The following GLIPR2 variants were observed in gnomAD, a reference collection of about 807,000 sequenced individuals.
GLIPR2 encodes GLI pathogenesis related 2.
In GLIPR2, 21 loss-of-function variants were observed where a neutral mutation model predicts 20.4. The observed-to-expected ratio is 1.03, with a 90% confidence interval of 0.73 to 1.48. The LOEUF is 1.48. Ranked by LOEUF, GLIPR2 falls within the 40% of genes most tolerant of loss-of-function variation. The pLI is 0.00. For missense variants in GLIPR2, 205 were observed against 200.1 expected (o/e 1.02, Z -0.15); for synonymous variants, 91 against 80.5 (o/e 1.13, Z -0.70).
At chr9:36,162,252 T>A in intron 4 of GLIPR2, 110 bp from the exon 5 acceptor site, 1 of 1,601,162 alleles carries the variant, frequency 6.2e-7, no homozygotes, top group Non-Finnish European at 8.5e-7. Flanking sequence ...AAGACCATGC[T>A]GACCTGAGCC....
chr9:36,140,118 T>A (rs11791833), intron 1 of GLIPR2, among the ~76,000 whole-genome samples: 1 of 152,042 alleles, frequency 6.6e-6, no homozygotes, highest in Non-Finnish European at 1.5e-5. Flanking sequence ...CTGACTCCCC[T>A]ACTGTGTCCT....
At chr9:36,154,554 A>G (rs543844595) in intron 4 of GLIPR2, among the ~76,000 whole-genome samples, 1 of 152,276 alleles carries the variant, frequency 6.6e-6, no homozygotes, top group Admixed American at 6.5e-5. Context: ...TGTGTTTTTC[A>G]AAGATATATT....
At chr9:36,152,143 TTCC>T (rs1343052300) in intron 4 of GLIPR2, among the ~76,000 whole-genome samples, 1 of 152,192 alleles carries the variant, frequency 6.6e-6, no homozygotes, top group Non-Finnish European at 1.5e-5. Flanking sequence ...TGCTGAGGCA[TTCC>T]TCCTCTCCAT....
chr9:36,142,056 G>A (rs985387775), intron 1 of GLIPR2, among the ~76,000 whole-genome samples: 1 of 152,108 alleles, frequency 6.6e-6, no homozygotes, highest in Non-Finnish European at 1.5e-5. Context: ...CCTGCACTCT[G>A]CAGTCCCTGA....
chr9:36,160,253 C>G (rs767700990), intron 4 of GLIPR2, among the ~76,000 whole-genome samples: 17 of 152,144 alleles, frequency 1.1e-4, no homozygotes, highest in Non-Finnish European at 2.4e-4. Flanking sequence ...CAACTCCCAA[C>G]CTAAGATGAT....
chr9:36,146,909 T>G (rs897973507), intron 1 of GLIPR2, among the ~76,000 whole-genome samples: 6 of 151,990 alleles, frequency 3.9e-5, no homozygotes, highest in Admixed American at 3.9e-4. Flanking sequence ...AGTTCTGGGG[T>G]CTTGGGGCGG....
intron 4 of GLIPR2, among the ~76,000 whole-genome samples, chr9:36,160,793 G>A (rs537754467): frequency 6.6e-6 from 1 of 152,318 alleles, no homozygotes; most frequent in Admixed American, 6.5e-5. Context: ...TGTAATCTCA[G>A]CAGTTTGGGA....
intron 1 of GLIPR2, among the ~76,000 whole-genome samples, chr9:36,140,584 C>CTATG (rs1326451027): frequency 2.0e-5 from 3 of 152,244 alleles, no homozygotes; most frequent in South Asian, 4.1e-4. Flanking sequence ...CAACCACTGT[C>CTATG]TATGGAGAGG....
chr9:36,143,008 G>A (rs1211410144), intron 1 of GLIPR2, among the ~76,000 whole-genome samples: 3 of 152,134 alleles, frequency 2.0e-5, no homozygotes, highest in African/African-American at 7.2e-5. Context: ...TGGCGTTGGC[G>A]GACACAGTGC....
chr9:36,138,825 C>G (rs1824942969), intron 1 of GLIPR2, among the ~76,000 whole-genome samples: 1 of 152,192 alleles, frequency 6.6e-6, no homozygotes, highest in African/African-American at 2.4e-5. Context: ...GGTGAGGAGA[C>G]TGCTCCGCGT....
chr9:36,147,896 T>A lies in GLIPR2; in HGVS notation c.122+2T>A. The stretch of plus-strand genomic sequence containing the variant: ...GAACCTCAACCGGGAGGCTCAACAG[T>A]GAGTCCCCTAGCACATCCGGGTAAC... On this transcript the variant is annotated splice_donor_variant, in intron 2 of 4. Transcript: ENST00000377960. LOFTEE classifies it high-confidence loss of function. 7.3e-7 allele frequency: 1 copy of A among 1,364,730 alleles called. No homozygotes were observed. Among genetic ancestry groups the A allele is most frequent in the Non-Finnish European group, 1.0e-6 (1 of 952,778 alleles). The allele number at this position is 1,364,730 out of a possible 1,614,324, so 84.5% of individuals were successfully genotyped here. A position where few individuals can be genotyped will look rare whatever the true frequency, so the allele number is the denominator to read the frequency against.
chr9:36,148,676 C>A, intron 3 of GLIPR2, 26 bp downstream of exon 3: 1 of 1,482,268 alleles, frequency 6.7e-7, no homozygotes, highest in Non-Finnish European at 9.4e-7. Context: ...AGCTCCTCTC[C>A]TCTCTGCGGG....
chr9:36,162,283 T>A, intron 4 of GLIPR2, 79 bp from the exon 5 acceptor site: 1 of 1,601,634 alleles, frequency 6.2e-7, no homozygotes, highest in Non-Finnish European at 8.5e-7. Context: ...GTACAGGGGT[T>A]CAACAATCCC....
At chr9:36,148,044 TC>T in intron 2 of GLIPR2, 150 bp downstream of exon 2, 1 of 664,518 alleles carries the variant, frequency 1.5e-6, no homozygotes, top group Non-Finnish European at 2.8e-6. Context: ...GGTCAGGAGT[TC>T]AAGACTGGCC....
At chr9:36,143,810 T>A (rs1198884640) in intron 1 of GLIPR2, among the ~76,000 whole-genome samples, 2 of 152,086 alleles carry the variant, frequency 1.3e-5, no homozygotes, top group Non-Finnish European at 2.9e-5. Flanking sequence ...GTGAGGTAGC[T>A]CCTTTTGGTC....
chr9:36,142,913 C>T (rs1035757218), intron 1 of GLIPR2, among the ~76,000 whole-genome samples: 1 of 151,926 alleles, frequency 6.6e-6, no homozygotes, highest in African/African-American at 2.4e-5. Flanking sequence ...TGCCTCCCAG[C>T]CAGGAGTGGG....
At chr9:36,153,949 C>T (rs1031382763) in intron 4 of GLIPR2, among the ~76,000 whole-genome samples, 20 of 151,678 alleles carry the variant, frequency 1.3e-4, no homozygotes, top group Non-Finnish European at 2.7e-4. Context: ...ACCCTGTAAT[C>T]CATCCCCACC....
At chr9:36,139,564 A>G (rs1428604806) in intron 1 of GLIPR2, among the ~76,000 whole-genome samples, 7 of 152,270 alleles carry the variant, frequency 4.6e-5, no homozygotes, top group South Asian at 2.1e-4. Context: ...GTCTGTGTCT[A>G]TAGGGCAGGT....
At position 36,147,854 on chromosome 9, in the gene GLIPR2, C is replaced by T. The variant is rs745469987; in HGVS notation, c.82C>T (p.Pro28Ser). The T allele has an allele frequency of 1.3e-6, 2 of 1,595,294 alleles. No individual in the cohort carries two copies. Among genetic ancestry groups the T allele is most frequent in the South Asian group, 1.1e-5 (1 of 90,662 alleles). The change falls in exon 2 of 5, where the codon CCA (proline) becomes TCA (serine). Residue 28 changes from proline to serine, a missense_variant. Transcript: ENST00000377960. ...NEYRQKHGVP[P>S]LKLCKNLNRE... ...GTACCGGCAGAAGCACGGCGTCCCC[C>T]CACTGAAGCTCTGCAAGAACCTCAA...
Sources: allele counts gnomAD v4.1 joint callset (sites outside exome capture counted in the v4.1 genomes callset), GRCh38; gene constraint gnomAD v4.1.1; transcripts MANE v1.5; gene names NCBI Gene and HGNC (gene_info 2026-07-23, HGNC 2026-07-21).